Variants in ADAMTS18 observed in about 807,000 individuals in gnomAD.
ADAMTS18 encodes ADAM metallopeptidase with thrombospondin type 1 motif 18.
Under a neutral mutation model 165.9 loss-of-function variants are expected in ADAMTS18, and 157 were observed. The observed-to-expected ratio is 0.95, with a 90% CI of 0.83 to 1.08. The LOEUF (loss-of-function observed/expected upper bound fraction) is 1.08. Among genes scored for constraint, ADAMTS18 ranks in the 50% least tolerant of loss-of-function variants. The pLI is 0.00. For missense variants in ADAMTS18, 2,040 were observed against 1,534.0 expected (o/e 1.33, Z -5.51); for synonymous variants, 782 against 578.2 (o/e 1.35, Z -5.06).
intron 11 of ADAMTS18, among the ~76,000 whole-genome samples, chr16:77,338,885 T>C (rs1332192487): frequency 6.9e-6 from 1 of 145,322 alleles, no homozygotes; most frequent in African/African-American, 2.6e-5. Flanking sequence ...ACCCGGGAGA[T>C]GGAGCCTGCA....
intron 3 of ADAMTS18, among the ~76,000 whole-genome samples, chr16:77,413,289 G>A (rs183488700): frequency 7.2e-5 from 11 of 152,080 alleles, no homozygotes; most frequent in Non-Finnish European, 1.6e-4. Context: ...CTCAGCAAGG[G>A]AATAAAACAT....
At chr16:77,371,408 A>G (rs2056874742) in intron 3 of ADAMTS18, among the ~76,000 whole-genome samples, 1 of 152,188 alleles carries the variant, frequency 6.6e-6, no homozygotes, top group Admixed American at 6.5e-5. Context: ...AGTAACCAAA[A>G]AAACATGGCA....
chr16:77,389,884 GT>G (rs1243122569), intron 3 of ADAMTS18, among the ~76,000 whole-genome samples: 1 of 152,136 alleles, frequency 6.6e-6, no homozygotes, highest in Non-Finnish European at 1.5e-5. Context: ...GTGGTAGATT[GT>G]TTTTAGAAGC....
chr16:77,305,966 A>C (rs1269098101), intron 16 of ADAMTS18, among the ~76,000 whole-genome samples: 1 of 152,208 alleles, frequency 6.6e-6, no homozygotes, highest in East Asian at 1.9e-4. Context: ...TTTTCTCAGC[A>C]TTCCTGGAGA....
At chr16:77,420,905 T>G (rs1449213769) in intron 3 of ADAMTS18, among the ~76,000 whole-genome samples, 1 of 152,184 alleles carries the variant, frequency 6.6e-6, no homozygotes, top group East Asian at 1.9e-4. Flanking sequence ...AGATGAGGAA[T>G]TGTAAAATCA....
At chr16:77,329,654 A>G (rs1400879552) in intron 12 of ADAMTS18, among the ~76,000 whole-genome samples, 1 of 152,196 alleles carries the variant, frequency 6.6e-6, no homozygotes, top group Non-Finnish European at 1.5e-5. Flanking sequence ...ATATACTAAT[A>G]CATTTCATTT....
rs368641657 is a variant in ADAMTS18 at position 77,322,309 on chromosome 16, C to T, written c.2163+27G>A. 55 of 1,613,360 alleles carry T rather than the reference C, an allele frequency of 3.4e-5. No homozygotes were observed. The African/African-American group carries it at 4.0e-4, about 12-fold the overall frequency. The stretch of plus-strand genomic sequence containing the variant: ...ATGATAAAACACAAGCATGCTCATA[C>T]ACTCCAAAGCAGAAACGTTCTCTTA... On this transcript the variant is annotated intron_variant, in intron 14 of 22. Transcript: ENST00000282849.
chr16:77,424,218 C>T (rs1395338663), intron 3 of ADAMTS18, among the ~76,000 whole-genome samples: 1 of 152,160 alleles, frequency 6.6e-6, no homozygotes. Context: ...CCTGTAATCC[C>T]AGCACTTTGG....
intron 3 of ADAMTS18, among the ~76,000 whole-genome samples, chr16:77,404,023 C>CCGT (rs2057364329): frequency 1.3e-4 from 14 of 111,536 alleles, no homozygotes; most frequent in Non-Finnish European, 6.1e-5. Context: ...CTCCCTCCCT[C>CCGT]CCTACCGTCC....
chr16:77,433,956 GA>G (rs200038212), intron 2 of ADAMTS18, among the ~76,000 whole-genome samples: 6 of 149,088 alleles, frequency 4.0e-5, no homozygotes, highest in African/African-American at 1.2e-4. Context: ...AAGCAGAAAT[GA>G]AAAAAAAAGA....
intron 3 of ADAMTS18, among the ~76,000 whole-genome samples, chr16:77,408,811 C>G (rs1174565912): frequency 6.6e-6 from 1 of 152,040 alleles, no homozygotes; most frequent in East Asian, 1.9e-4. Flanking sequence ...TTCTGAAAAT[C>G]AATTAGCTGT....
At chr16:77,397,521 G>C (rs1379579406) in intron 3 of ADAMTS18, among the ~76,000 whole-genome samples, 1 of 152,206 alleles carries the variant, frequency 6.6e-6, no homozygotes, top group Non-Finnish European at 1.5e-5. Flanking sequence ...TAACTAGATA[G>C]TTATGTAGGT....
At chr16:77,379,136 A>G (rs2056995438) in intron 3 of ADAMTS18, among the ~76,000 whole-genome samples, 1 of 152,196 alleles carries the variant, frequency 6.6e-6, no homozygotes, top group South Asian at 2.1e-4. Context: ...GGGGATGGGA[A>G]AGAGAAGTGA....
Position 77,341,693 on chromosome 16 carries a change from A to G in ADAMTS18, c.1710+11T>C. The G allele has an allele frequency of 6.2e-7, 1 of 1,610,188 alleles. No homozygotes were observed. The highest frequency in any genetic ancestry group is 8.5e-7 in the Non-Finnish European group (1 of 1,177,104). On this transcript the variant is annotated intron_variant, in intron 11 of 22. Coordinates refer to ENST00000282849, the MANE Select transcript of ADAMTS18 (RefSeq NM_199355.4). The stretch of plus-strand genomic sequence containing the variant: ...TTTCTGGAGCTAAAAACTAACAAGT[A>G]TGCAGTTTACCATACTCAAGCCACA...
chr16:77,369,103 C>T (rs1444867239), intron 3 of ADAMTS18, among the ~76,000 whole-genome samples: 3 of 152,202 alleles, frequency 2.0e-5, no homozygotes, highest in African/African-American at 4.8e-5. Flanking sequence ...GATTCAGAAT[C>T]GTGGGCCTCA....
At chr16:77,415,365 G>T (rs2057516879) in intron 3 of ADAMTS18, among the ~76,000 whole-genome samples, 1 of 152,196 alleles carries the variant, frequency 6.6e-6, no homozygotes, top group Non-Finnish European at 1.5e-5. Flanking sequence ...GAAAAGTGGA[G>T]AGGGGTTTAT....
At chr16:77,358,190 TGTG>T (rs981388305) in intron 8 of ADAMTS18, among the ~76,000 whole-genome samples, 13 of 152,168 alleles carry the variant, frequency 8.5e-5, no homozygotes, top group African/African-American at 2.9e-4. Flanking sequence ...TGTGTGTGTG[TGTG>T]TATAATAATG....
intron 3 of ADAMTS18, among the ~76,000 whole-genome samples, chr16:77,410,531 T>A (rs1206751232): frequency 2.6e-5 from 4 of 152,128 alleles, no homozygotes; most frequent in Non-Finnish European, 4.4e-5. Context: ...GAGAACTGCA[T>A]CCCTAATCCT....
intron 3 of ADAMTS18, among the ~76,000 whole-genome samples, chr16:77,390,997 C>A (rs1025394358): frequency 2.0e-5 from 3 of 152,130 alleles, no homozygotes; most frequent in African/African-American, 7.2e-5. Flanking sequence ...CTCATGCCAC[C>A]ATCCTTCCAT....
Sources: gnomAD v4.1 joint callset for allele counts (sites outside exome capture counted in the v4.1 genomes callset) on GRCh38, gnomAD v4.1.1 for gene constraint, MANE v1.5 for transcripts, NCBI Gene and HGNC (gene_info 2026-07-23, HGNC 2026-07-21) for gene names.